IGSF5: variants seen among roughly 807,000 people sequenced by gnomAD.
The protein encoded by IGSF5 is immunoglobulin superfamily 5 like.
IGSF5 carries 41 observed loss-of-function variants against 39.4 expected under a neutral mutation model. The observed-to-expected ratio is 1.04, with a 90% CI of 0.81 to 1.35. IGSF5 has a LOEUF of 1.35. Ranked by LOEUF, IGSF5 falls within the 40% of genes most tolerant of loss-of-function variation. The probability of loss-of-function intolerance (pLI) is 0.00; values close to 1 mark genes in which losing one functional copy is unlikely to be tolerated. For synonymous variants in IGSF5, 183 were observed against 175.3 expected, an observed-to-expected ratio of 1.04 and a Z score of -0.34; for missense variants, 487 against 494.6, an observed-to-expected ratio of 0.98 and a Z score of 0.15.
At chr21:39,724,433 TG>T in the IGSF5 span, among the ~76,000 whole-genome samples, 1 of 152,146 alleles carries the variant, frequency 6.6e-6, no homozygotes, top group Non-Finnish European at 1.5e-5. Context: ...AGGGACCCTG[TG>T]GGAGGTAATT....
chr21:39,713,736 C>T, the IGSF5 span, among the ~76,000 whole-genome samples: 1 of 152,156 alleles, frequency 6.6e-6, no homozygotes, highest in African/African-American at 2.4e-5. Context: ...CTTGTGCTTC[C>T]TTCTTAAAGG....
intron 2 of IGSF5, among the ~76,000 whole-genome samples, chr21:39,755,942 A>G (rs960445028): frequency 2.0e-5 from 1 of 49,756 alleles, no homozygotes; most frequent in Non-Finnish European, 4.9e-5. Flanking sequence ...CATCTCTACT[A>G]AAAATACAAA....
chr21:39,799,871 G>T (rs1204134691), intron 8 of IGSF5, among the ~76,000 whole-genome samples: 1 of 152,046 alleles, frequency 6.6e-6, no homozygotes, highest in East Asian at 1.9e-4. Context: ...GGATTAAATT[G>T]TAAGAAGGGT....
intron 8 of IGSF5, among the ~76,000 whole-genome samples, chr21:39,797,996 AG>A (rs1036333021): frequency 1.2e-4 from 18 of 151,752 alleles, no homozygotes; most frequent in African/African-American, 4.1e-4. Context: ...TGTTTTCTTC[AG>A]GGGCCCATTG....
At chr21:39,792,337 TA>T (rs2086970228) in intron 7 of IGSF5, among the ~76,000 whole-genome samples, 1 of 152,140 alleles carries the variant, frequency 6.6e-6, no homozygotes, top group Non-Finnish European at 1.5e-5. Flanking sequence ...CTGAGAGCTT[TA>T]AAAAACTTTG....
chr21:39,757,652 C>T (rs1038967808), intron 2 of IGSF5, among the ~76,000 whole-genome samples: 1 of 151,180 alleles, frequency 6.6e-6, no homozygotes, highest in Non-Finnish European at 1.5e-5. Flanking sequence ...TCTCTGCTCA[C>T]TGCAACCTGC....
At chr21:39,718,063 C>T in the IGSF5 span, among the ~76,000 whole-genome samples, 6 of 150,702 alleles carry the variant, frequency 4.0e-5, no homozygotes, top group Admixed American at 6.6e-5. Flanking sequence ...CTTTCACATC[C>T]CTGGTTAGCT....
chr21:39,750,215 T>C (rs415340), intron 2 of IGSF5, among the ~76,000 whole-genome samples: 124,246 of 152,126 alleles, frequency 0.82, 50,919 homozygotes, highest in Admixed American at 0.86. Context: ...AGAGCATTCT[T>C]CGCCTCCCCT....
the IGSF5 span, among the ~76,000 whole-genome samples, chr21:39,716,245 C>T: frequency 6.6e-6 from 1 of 152,178 alleles, no homozygotes; most frequent in East Asian, 1.9e-4. Context: ...AACCATAAGT[C>T]CCCACCCCTT....
the IGSF5 span, among the ~76,000 whole-genome samples, chr21:39,718,455 T>G: frequency 8.5e-5 from 13 of 152,360 alleles, no homozygotes; most frequent in South Asian, 2.3e-3. Flanking sequence ...TTCCAGCTTT[T>G]GCCCATTCGG....
chr21:39,784,839 C>T (rs942100285), intron 5 of IGSF5, among the ~76,000 whole-genome samples: 9 of 152,264 alleles, frequency 5.9e-5, no homozygotes, highest in African/African-American at 1.7e-4. Context: ...TTTTCTGGTT[C>T]TCTGCTGCTA....
chr21:39,744,654 G>A (rs2146267199), upstream of IGSF5, among the ~76,000 whole-genome samples: 1 of 152,272 alleles, frequency 6.6e-6, no homozygotes, highest in South Asian at 2.1e-4. Flanking sequence ...CTGGGTTAAG[G>A]GAATTATCAG....
rs117264383 is a variant in IGSF5, at chr21:39,749,654, A to G, written c.100+3356A>G. ...ACATTTTGTGGAGGCATGAGACATCAATCAATAAGTGTAATGTGTACATTG... is the reference window on the plus strand; with the variant it reads ...ACATTTTGTGGAGGCATGAGACATCGATCAATAAGTGTAATGTGTACATTG... On this transcript the variant is annotated intron_variant, in intron 2 of 8. Transcript: ENST00000380588. Among the ~76,000 whole-genome samples the G allele has an allele frequency of 1.4e-3, 216 of 152,358 alleles. 1 individual carries two copies. The highest frequency in any genetic ancestry group is 2.4e-3 in the Non-Finnish European group (166 of 68,038).
At chr21:39,774,902 C>T (rs1267180707) in intron 4 of IGSF5, among the ~76,000 whole-genome samples, 1 of 152,198 alleles carries the variant, frequency 6.6e-6, no homozygotes, top group East Asian at 1.9e-4. Context: ...TTGGGCAAGT[C>T]AGCAAACTTC....
chr21:39,723,733 A>G, the IGSF5 span, among the ~76,000 whole-genome samples: 34 of 152,360 alleles, frequency 2.2e-4, no homozygotes, highest in Middle Eastern at 3.4e-3. Flanking sequence ...TAGGGCCAGA[A>G]TCAGGATCTT....
chr21:39,726,570 C>A, the IGSF5 span, among the ~76,000 whole-genome samples: 5 of 152,140 alleles, frequency 3.3e-5, no homozygotes, highest in Admixed American at 2.0e-4. Context: ...CGGTGCATGC[C>A]CCTCACCAAG....
At chr21:39,736,672 T>C in the IGSF5 span, among the ~76,000 whole-genome samples, 2 of 152,198 alleles carry the variant, frequency 1.3e-5, no homozygotes, top group African/African-American at 2.4e-5. Context: ...GGTCACCGGG[T>C]TGGGGACCCT....
At chr21:39,763,385 T>C (rs745559367) in intron 2 of IGSF5, among the ~76,000 whole-genome samples, 48 of 152,196 alleles carry the variant, frequency 3.2e-4, no homozygotes, top group Non-Finnish European at 4.7e-4. Flanking sequence ...GGATGCCTCC[T>C]GTTTCATCTG....
At chr21:39,715,408 C>T in the IGSF5 span, among the ~76,000 whole-genome samples, 1,014 of 152,294 alleles carry the variant, frequency 6.7e-3, 5 homozygotes, top group Non-Finnish European at 0.012. Context: ...TATGAGCCAC[C>T]ATGACCAGCC....
Sources: allele counts gnomAD v4.1 joint callset (sites outside exome capture counted in the v4.1 genomes callset), GRCh38; gene constraint gnomAD v4.1.1; transcripts MANE v1.5; gene names NCBI Gene and HGNC (gene_info 2026-07-23, HGNC 2026-07-21).